The following DOCK9 variants were observed in gnomAD, a reference collection of about 807,000 sequenced individuals.
The protein encoded by DOCK9 is dedicator of cytokinesis protein 9.
DOCK9 carries 89 observed loss-of-function variants against 263.3 expected under a neutral mutation model. The ratio of observed to expected loss-of-function variants is 0.34; its 90% CI spans 0.28 to 0.40. The LOEUF is 0.40. Among genes scored for constraint, DOCK9 ranks in the 10% least tolerant of loss-of-function variants. The probability of loss-of-function intolerance (pLI) is 1.00; values close to 1 mark genes in which losing one functional copy is unlikely to be tolerated. For synonymous variants in DOCK9, 976 were observed against 973.1 expected (o/e 1.00, Z -0.06); for missense variants, 2,140 against 2,603.4 (o/e 0.82, Z 3.87).
In DOCK9 at chr13:98,797,213, C is replaced by T. The variant is rs2089528419; in HGVS notation, c.6058G>A (p.Glu2020Lys). ...EACGQALAVN[E>K]RLIKEDQLEY... ...AGCTGGTCTTCTTTAATCAGACGTT[C>T]GTTTACCGCTAAGGCTTGACCGCAA... Residue 2020 changes from glutamate to lysine, a missense_variant, in exon 52 of 53, where the codon GAA becomes AAA. Around this residue, in one of 2 missense-constraint regions of DOCK9, gnomAD observed 619 missense variants for 861.8 expected, o/e 0.72. Coordinates refer to ENST00000682017, the MANE Select transcript of DOCK9 (RefSeq NM_001366683.2). 3 of 1,613,778 alleles carry T rather than the reference C, an allele frequency of 1.9e-6. No homozygotes were observed. The highest frequency in any genetic ancestry group is 1.3e-5 in the African/African-American group (1 of 74,888).
At chr13:99,053,626 A>G (rs1049395269) in intron 1 of DOCK9, among the ~76,000 whole-genome samples, 1 of 152,188 alleles carries the variant, frequency 6.6e-6, no homozygotes, top group African/African-American at 2.4e-5. Flanking sequence ...CCCTTGTACA[A>G]AAGAATTAAA....
intron 18 of DOCK9, among the ~76,000 whole-genome samples, chr13:98,887,844 A>G (rs2046022454): frequency 6.6e-6 from 1 of 152,132 alleles, no homozygotes; most frequent in Non-Finnish European, 1.5e-5. Context: ...AACATTATTC[A>G]TATCCTAATT....
chr13:98,881,481 T>G, intron 25 of DOCK9, 77 bp downstream of exon 25: 1 of 1,181,056 alleles, frequency 8.5e-7, no homozygotes, highest in South Asian at 1.4e-5. Flanking sequence ...ATAACCAGGC[T>G]TGTGAAAAAA....
intron 49 of DOCK9, among the ~76,000 whole-genome samples, chr13:98,803,279 T>C (rs2090326056): frequency 6.6e-6 from 1 of 152,228 alleles, no homozygotes; most frequent in Non-Finnish European, 1.5e-5. Flanking sequence ...TGATGACCTG[T>C]AACCCTGGAG....
rs1342962927 is a variant in DOCK9, at chr13:98,915,309, G to A, written c.892+20C>T. ...ACCCACAGAGTGTGTATGTGCCTGG[G>A]GGAAGCCAAGCCTATCTACCTTCGT... On this transcript the variant is annotated intron_variant, in intron 8 of 52. Coordinates refer to ENST00000682017, the MANE Select transcript of DOCK9 (RefSeq NM_001366683.2). 6.8e-6 allele frequency: 11 copies of A among 1,609,758 alleles called. No individual in the cohort carries two copies. In the Admixed American group the frequency reaches 8.4e-5, roughly 12 times the overall value.
At chr13:98,854,216 T>C (rs1372684315) in intron 34 of DOCK9, among the ~76,000 whole-genome samples, 2 of 113,188 alleles carry the variant, frequency 1.8e-5, no homozygotes, top group East Asian at 4.4e-4. Context: ...AGGCAGCAGG[T>C]TCTTGTGGAA....
At chr13:98,821,773 G>A (rs2092289556) in intron 45 of DOCK9, among the ~76,000 whole-genome samples, 1 of 152,226 alleles carries the variant, frequency 6.6e-6, no homozygotes, top group Non-Finnish European at 1.5e-5. Context: ...AAACTCATCT[G>A]AGACCTGCTG....
chr13:98,924,925 G>C (rs2052673825), intron 4 of DOCK9, among the ~76,000 whole-genome samples: 1 of 152,068 alleles, frequency 6.6e-6, no homozygotes, highest in Non-Finnish European at 1.5e-5. Context: ...AGCACTTTGG[G>C]AGGCAGAGGC....
In DOCK9 at chr13:98,918,115, G is replaced by T. The variant is rs79685793; in HGVS notation, c.718-2612C>A. 8.0e-3 allele frequency among the ~76,000 whole-genome samples: 1,220 copies of T among 152,292 alleles called. 10 individuals are homozygous for T. Among genetic ancestry groups the T allele is most frequent in the African/African-American group, 0.027 (1,136 of 41,566 alleles). On this transcript the variant is annotated intron_variant, in intron 7 of 52. Coordinates refer to ENST00000682017, the MANE Select transcript of DOCK9 (RefSeq NM_001366683.2). The stretch of plus-strand genomic sequence containing the variant: ...AGTGGACAAAATACATGAAATAACT[G>T]TTTTCAGATAGGGGACAAAAGGCAG...
At chr13:98,884,861 T>C in intron 21 of DOCK9, 110 bp downstream of exon 21, 1 of 1,289,188 alleles carries the variant, frequency 7.8e-7, no homozygotes, top group Non-Finnish European at 1.1e-6. Context: ...AATATCAAAA[T>C]GGTGGAAGAG....
intron 1 of DOCK9, among the ~76,000 whole-genome samples, chr13:98,998,245 C>T (rs577198832): frequency 1.3e-5 from 2 of 152,276 alleles, no homozygotes; most frequent in South Asian, 4.1e-4. Context: ...GGCACCCAGA[C>T]ACCCACAGCG....
intron 48 of DOCK9, among the ~76,000 whole-genome samples, chr13:98,807,164 A>G (rs912166419): frequency 1.3e-5 from 2 of 152,170 alleles, no homozygotes; most frequent in Non-Finnish European, 2.9e-5. Context: ...CTTCATGAGA[A>G]CAGAATGCCA....
chr13:99,022,992 GA>G (rs1033787057), intron 1 of DOCK9, among the ~76,000 whole-genome samples: 1 of 152,168 alleles, frequency 6.6e-6, no homozygotes, highest in African/African-American at 2.4e-5. Flanking sequence ...AAACATTTAA[GA>G]AAAACAGCTT....
intron 31 of DOCK9, 47 bp from the exon 32 acceptor site, chr13:98,863,179 C>A (rs1376439718): frequency 1.3e-6 from 2 of 1,548,830 alleles, no homozygotes; most frequent in Non-Finnish European, 1.8e-6. Flanking sequence ...ATTCTGAGAA[C>A]CGAACTAAGT....
Position 98,873,151 on chromosome 13 carries a change from C to G in DOCK9, c.2944-4774G>C, listed in dbSNP as rs188313611. 5.9e-5 allele frequency among the ~76,000 whole-genome samples: 9 copies of G among 152,342 alleles called. No individual in the cohort carries two copies. The East Asian group carries it at 1.7e-3, about 29-fold the overall frequency. Reference sequence around the variant, plus strand: ...GTGCTGCCCTCTGATGGCTCTCCCACTGTCTCCTGAGCGCCTTCCCATTTT... The same window carrying G: ...GTGCTGCCCTCTGATGGCTCTCCCAGTGTCTCCTGAGCGCCTTCCCATTTT... On this transcript the variant is annotated intron_variant, in intron 27 of 52. Transcript: ENST00000682017.
At chr13:98,890,459 C>CG (rs1555386106) in intron 15 of DOCK9, among the ~76,000 whole-genome samples, 1 of 152,170 alleles carries the variant, frequency 6.6e-6, no homozygotes, top group Non-Finnish European at 1.5e-5. Context: ...ACAAGCTTAG[C>CG]GGCGCAGTTA....
At chr13:98,935,910 T>G (rs1244538024) in intron 2 of DOCK9, among the ~76,000 whole-genome samples, 1 of 152,244 alleles carries the variant, frequency 6.6e-6, no homozygotes, top group Admixed American at 6.5e-5. Context: ...TCTAATTCAT[T>G]GCCCTTGCTC....
intron 1 of DOCK9, among the ~76,000 whole-genome samples, chr13:99,073,664 A>T (rs1312249078): frequency 6.6e-6 from 1 of 152,288 alleles, no homozygotes; most frequent in African/African-American, 2.4e-5. Context: ...CATTTGCACA[A>T]AACAGTAGAG....
At chr13:99,030,580 A>G (rs1887229935) in intron 1 of DOCK9, among the ~76,000 whole-genome samples, 1 of 152,212 alleles carries the variant, frequency 6.6e-6, no homozygotes, top group African/African-American at 2.4e-5. Context: ...AGAGAAAGAT[A>G]ACATTTTTAA....
Sources: gnomAD v4.1 joint callset for allele counts (sites outside exome capture counted in the v4.1 genomes callset) on GRCh38, gnomAD v4.1.1 for gene constraint, gnomAD v4.1.1 regional missense constraint, MANE v1.5 for transcripts, NCBI Gene and HGNC (gene_info 2026-07-23, HGNC 2026-07-21) for gene names.